Variants in NSD1 observed in about 807,000 individuals in gnomAD.
NSD1 encodes the protein nuclear receptor binding SET domain protein 1.
NSD1 carries 26 observed loss-of-function variants against 242.7 expected under a neutral mutation model. That is an observed-to-expected ratio of 0.11 (90% CI 0.08 to 0.15). The LOEUF (loss-of-function observed/expected upper bound fraction) is 0.15, where lower values mean the gene tolerates loss of function less well. Among genes scored for constraint, NSD1 ranks in the 10% least tolerant of loss-of-function variants. The pLI, the probability that NSD1 is intolerant of heterozygous loss-of-function variation, is 1.00. For missense variants in NSD1, 2,495 were observed against 3,272.8 expected, an observed-to-expected ratio of 0.76 and a Z score of 5.80; for synonymous variants, 1,106 against 1,178.1, an observed-to-expected ratio of 0.94 and a Z score of 1.25.
chr5:177,180,426 GT>G (rs1414989544), intron 2 of NSD1, among the ~76,000 whole-genome samples: 1 of 151,812 alleles, frequency 6.6e-6, no homozygotes, highest in African/African-American at 2.4e-5. Flanking sequence ...TTCAATGAAT[GT>G]CATACCTTGG....
intron 5 of NSD1, among the ~76,000 whole-genome samples, chr5:177,222,801 CACAT>C (rs1303070566): frequency 1.3e-5 from 2 of 152,040 alleles, no homozygotes; most frequent in East Asian, 3.8e-4. Context: ...ATTTGATACA[CACAT>C]ATTTTCTCCT....
intron 19 of NSD1, 93 bp downstream of exon 19, chr5:177,282,674 A>T: frequency 1.0e-6 from 1 of 973,748 alleles, no homozygotes; most frequent in South Asian, 1.3e-5. Flanking sequence ...CGCAGTTCCC[A>T]AGGTAGGGTC....
intron 2 of NSD1, among the ~76,000 whole-genome samples, chr5:177,188,201 G>C (rs1761387954): frequency 6.6e-6 from 1 of 152,134 alleles, no homozygotes; most frequent in African/African-American, 2.4e-5. Context: ...ATTTATTTTA[G>C]TGTCTGTCTC....
chr5:177,287,634 T>A (rs963664105), intron 20 of NSD1, among the ~76,000 whole-genome samples: 1 of 151,836 alleles, frequency 6.6e-6, no homozygotes, highest in Admixed American at 6.6e-5. Context: ...AGACTCCGTC[T>A]CAAAGAAAGA....
intron 5 of NSD1, among the ~76,000 whole-genome samples, chr5:177,222,360 A>G (rs898470470): frequency 6.6e-6 from 1 of 152,148 alleles, no homozygotes; most frequent in African/African-American, 2.4e-5. Context: ...TTTTGGTTAT[A>G]TCCCTAGGAG....
Position 177,211,938 on chromosome 5 carries a change from A to G in NSD1, c.3539A>G (p.Lys1180Arg), listed in dbSNP as rs769046206. 6.2e-6 allele frequency: 10 copies of G among 1,604,108 alleles called. No homozygotes were observed. The highest frequency in any genetic ancestry group is 7.7e-6 in the Non-Finnish European group (9 of 1,175,232). Reference protein sequence around the residue: ...PRKRMNRFKEKENSECAFRVL... With the variant: ...PRKRMNRFKERENSECAFRVL... The stretch of plus-strand genomic sequence containing the variant: ...AAGCGCATGAACAGATTTAAAGAGA[A>G]AGAAAACTCTGAGTGTGCCTTTAGG... The change falls in exon 5 of 23, where the codon AAA (lysine) becomes AGA (arginine). Residue 1180 changes from lysine to arginine, a missense_variant. Transcript: ENST00000439151.
At chr5:177,245,681 G>A (rs1766224852) in intron 9 of NSD1, among the ~76,000 whole-genome samples, 1 of 150,830 alleles carries the variant, frequency 6.6e-6, no homozygotes, top group Non-Finnish European at 1.5e-5. Context: ...TGTTGCCCAG[G>A]CTGGAGTACA....
At chr5:177,284,440 GGTTTTTT>G (rs1554205058) in intron 20 of NSD1, among the ~76,000 whole-genome samples, 1 of 151,958 alleles carries the variant, frequency 6.6e-6, no homozygotes, top group Non-Finnish European at 1.5e-5. Context: ...CCCATTCCCA[GGTTTTTT>G]GTTTTTTGTT....
At chr5:177,244,383 T>A in intron 9 of NSD1, 113 bp downstream of exon 9, 1 of 780,388 alleles carries the variant, frequency 1.3e-6, no homozygotes, top group Non-Finnish European at 2.2e-6. Context: ...GTACAAGTTT[T>A]AAAACTGGTT....
Position 177,211,246 on chromosome 5 carries a change from T to C in NSD1, c.2847T>C (p.Pro949=). 1 of 1,614,064 alleles carries C rather than the reference T, an allele frequency of 6.2e-7. No homozygotes were observed. The highest frequency in any genetic ancestry group is 8.5e-7 in the Non-Finnish European group (1 of 1,179,946). The change falls in exon 5 of 23, where the codon CCT becomes CCC. Residue 949 remains proline (P), a synonymous_variant. Transcript: ENST00000439151. The part of the protein sequence containing the change: ...PGRGDCSTNS[P]VGVSKVLVSG... ...GTGGGGACTGTTCTACTAATAGTCC[T>C]GTAGGAGTCTCTAAGGTTTTGGTTT...
rs575693181 is a variant in NSD1, at chr5:177,265,767, C to T, written c.5147-1795C>T. On this transcript the variant is annotated intron_variant, in intron 14 of 22. Coordinates refer to ENST00000439151, the MANE Select transcript of NSD1 (RefSeq NM_022455.5). ...TGCTTCCAGTGCGTGTACAGGGACT[C>T]GGGTATGGTGGAGAAGCCGGTCCCT... 103 of 1,499,496 alleles carry T rather than the reference C, an allele frequency of 6.9e-5. No individual in the cohort carries two copies. The South Asian group carries it at 9.7e-4, about 14-fold the overall frequency. 92.9% of individuals were successfully genotyped at this position (1,499,496 alleles called of 1,614,324 possible). A position where few individuals can be genotyped will look rare whatever the true frequency, so the allele number is the denominator to read the frequency against.
intron 2 of NSD1, among the ~76,000 whole-genome samples, chr5:177,179,047 A>AT (rs1760443367): frequency 6.6e-6 from 1 of 152,154 alleles, no homozygotes; most frequent in African/African-American, 2.4e-5. Context: ...CGTGCCTTAG[A>AT]TTGTAAAGTA....
chr5:177,139,686 G>A (rs1756647216), intron 2 of NSD1, among the ~76,000 whole-genome samples: 1 of 152,154 alleles, frequency 6.6e-6, no homozygotes, highest in African/African-American at 2.4e-5. Flanking sequence ...TGGGCTTGGT[G>A]GCTAACACCT....
chr5:177,259,554 G>A (rs1756819964), intron 13 of NSD1, among the ~76,000 whole-genome samples: 1 of 152,166 alleles, frequency 6.6e-6, no homozygotes, highest in African/African-American at 2.4e-5. Flanking sequence ...GTTTGGTGGT[G>A]GTTTCGTGAT....
intron 17 of NSD1, among the ~76,000 whole-genome samples, chr5:177,279,610 ATTTTTTTT>A (rs536478404): frequency 8.1e-4 from 77 of 95,428 alleles, no homozygotes; most frequent in African/African-American, 2.7e-3. Context: ...AGCTTTGAAA[ATTTTTTTT>A]TTTTTTTTTT....
rs200252920 is a variant in NSD1 at position 177,158,953 on chromosome 5, T to C, written c.927+22923T>C. Among the ~76,000 whole-genome samples the C allele has an allele frequency of 2.1e-4, 28 of 131,716 alleles. 1 individual carries two copies. The highest frequency in any genetic ancestry group is 7.4e-4 in the African/African-American group (22 of 29,676). The allele number at this position is 131,716 out of a possible 152,430, so 86.4% of individuals were successfully genotyped here. The stretch of plus-strand genomic sequence containing the variant: ...GTGTGTGTGTGTATATATACACACA[T>C]ATATATATACACACACATATATACA... On this transcript the variant is annotated intron_variant, in intron 2 of 22. Coordinates refer to ENST00000439151, the MANE Select transcript of NSD1 (RefSeq NM_022455.5).
At position 177,295,332 on chromosome 5, in the gene NSD1, C is replaced by T. The variant is rs763893707; in HGVS notation, c.7964C>T (p.Thr2655Ile). The change falls in exon 23 of 23, where the codon ACA (threonine) becomes ATA (isoleucine). Residue 2655 changes from threonine to isoleucine, a missense_variant. By Grantham distance (89) the Thr-to-Ile change is moderately conservative. Transcript: ENST00000439151. This position sits in a 1 kb window ranked among gnomAD's most constrained non-coding sequence, Gnocchi z 4.3. ...LAQSCWSAGS[T>I]QTLAQTCWSL... ...CAGTCTTGCTGGTCTGCTGGGAGCA[C>T]ACAGACATTGGCACAGACTTGCTGG... 6.2e-7 allele frequency: 1 copy of T among 1,613,918 alleles called. No homozygotes were observed. Among genetic ancestry groups the T allele is most frequent in the Non-Finnish European group, 8.5e-7 (1 of 1,180,030 alleles).
chr5:177,235,264 G>A (rs1346257747), intron 5 of NSD1, among the ~76,000 whole-genome samples: 1 of 152,128 alleles, frequency 6.6e-6, no homozygotes, highest in Non-Finnish European at 1.5e-5. Context: ...TAAATATTTT[G>A]TAAAATTACC....
chr5:177,281,952 T>C (rs1339547933), intron 18 of NSD1, among the ~76,000 whole-genome samples: 3 of 152,186 alleles, frequency 2.0e-5, no homozygotes, highest in Non-Finnish European at 2.9e-5. Flanking sequence ...TGAGGCTATT[T>C]TAAATTGAGA....
Sources: allele counts gnomAD v4.1 joint callset (sites outside exome capture counted in the v4.1 genomes callset), GRCh38; gene constraint gnomAD v4.1.1; non-coding constraint Gnocchi (gnomAD v3.1); transcripts MANE v1.5; gene names NCBI Gene and HGNC (gene_info 2026-07-23, HGNC 2026-07-21).